DMXL2: variants seen among roughly 807,000 people sequenced by gnomAD.
DMXL2 encodes the protein Dmx like 2.
A neutral mutation model predicts 331.1 loss-of-function variants in DMXL2; 103 were observed. The ratio of observed to expected loss-of-function variants is 0.31; its 90% CI spans 0.27 to 0.37. The LOEUF (loss-of-function observed/expected upper bound fraction) is 0.37. Ranked by LOEUF, DMXL2 falls within the 10% of genes least tolerant of loss-of-function variation. The pLI is 1.00. For missense variants in DMXL2, 3,171 were observed against 3,642.9 expected, an observed-to-expected ratio of 0.87 and a Z score of 3.33; for synonymous variants, 1,281 against 1,252.1, an observed-to-expected ratio of 1.02 and a Z score of -0.49.
intron 1 of DMXL2, among the ~76,000 whole-genome samples, chr15:51,586,782 G>A (rs575332698): frequency 6.6e-6 from 1 of 152,098 alleles, no homozygotes; most frequent in South Asian, 2.1e-4. Flanking sequence ...AGCAAAATAT[G>A]CAATAATTAA....
intron 22 of DMXL2, 131 bp downstream of exon 22, chr15:51,487,812 GTGCCACTATTT>G: frequency 3.1e-6 from 2 of 635,070 alleles, no homozygotes; most frequent in Non-Finnish European, 4.8e-6. Flanking sequence ...CTTTACCACA[GTGCCACTATTT>G]TAAGTACAGC....
chr15:51,547,191 A>C, intron 7 of DMXL2, 39 bp downstream of exon 7: 1 of 1,507,632 alleles, frequency 6.6e-7, no homozygotes, highest in Non-Finnish European at 8.9e-7. Flanking sequence ...ATAAACATTT[A>C]AGGATGCAAA....
chr15:51,542,370 A>G lies in DMXL2; in HGVS notation c.1068T>C (p.Cys356=). 6.2e-7 allele frequency: 1 copy of G among 1,613,780 alleles called. No individual in the cohort carries two copies. The highest frequency in any genetic ancestry group is 1.3e-5 in the African/African-American group (1 of 75,046). ...TGATGCTTGCTGCAATATGAAAATG[A>G]CAGAGTGCATTTGCATGGTGGGAAA... ...RHISHHANAL[C]HFHIAASINP... Residue 356 remains cysteine, a synonymous_variant, in exon 9 of 44, where the codon TGT becomes TGC. Coordinates refer to ENST00000560891, the MANE Select transcript of DMXL2 (RefSeq NM_001378457.1).
At chr15:51,600,716 T>A (rs1490392992) in intron 1 of DMXL2, among the ~76,000 whole-genome samples, 2 of 152,216 alleles carry the variant, frequency 1.3e-5, no homozygotes, top group Non-Finnish European at 2.9e-5. Flanking sequence ...CTTGGTCAAA[T>A]AAACTGGACA....
chr15:51,498,542 G>C lies in DMXL2; in HGVS notation c.4672+10C>G. On this transcript the variant is annotated intron_variant, in intron 18 of 43. Coordinates refer to ENST00000560891, the MANE Select transcript of DMXL2 (RefSeq NM_001378457.1). ...GTACAACTTTATAAATTTTTAGCGA[G>C]AATATTTACCTGAGCAACTCTTATC... The C allele has an allele frequency of 6.3e-7, 1 of 1,592,446 alleles. No homozygotes were observed. Among genetic ancestry groups the C allele is most frequent in the East Asian group, 2.2e-5 (1 of 44,680 alleles).
chr15:51,598,838 T>C (rs1217458347), intron 1 of DMXL2, among the ~76,000 whole-genome samples: 6 of 152,212 alleles, frequency 3.9e-5, no homozygotes, highest in Non-Finnish European at 1.5e-5. Flanking sequence ...TCCTCTATGT[T>C]GTTTTTCCTT....
In DMXL2 at chr15:51,622,441, C is replaced by T; in HGVS notation, c.87+18G>A. 1 of 1,553,946 alleles carries T rather than the reference C, an allele frequency of 6.4e-7. No homozygotes were observed. The highest frequency in any genetic ancestry group is 1.4e-5 in the African/African-American group (1 of 73,268). ...TGGCCCCTGGTATCTTCCCCTAGGG[C>T]TCCCGGCCGCCGCTCACCGTGAAGG... On this transcript the variant is annotated intron_variant, in intron 1 of 43. Transcript: ENST00000560891.
At chr15:51,607,435 G>A (rs928295547) in intron 1 of DMXL2, among the ~76,000 whole-genome samples, 5 of 151,818 alleles carry the variant, frequency 3.3e-5, no homozygotes, top group Non-Finnish European at 7.4e-5. Context: ...CAGCCTGAGC[G>A]ACAGAGCGAG....
Position 51,448,680 on chromosome 15 carries a change from T to G in DMXL2, c.*304A>C. 1 of 358,612 alleles carries G rather than the reference T, an allele frequency of 2.8e-6. No homozygotes were observed. Among genetic ancestry groups the G allele is most frequent in the Non-Finnish European group, 5.2e-6 (1 of 193,042 alleles). 22.2% of individuals were successfully genotyped at this position (358,612 alleles called of 1,614,324 possible). A position where few individuals can be genotyped will look rare whatever the true frequency, so the allele number is the denominator to read the frequency against. Reference sequence around the variant, plus strand: ...TCCTTAATTTGGTATAAACGTCCTTTTCATTATTTCAAGTTACTAATTTGC... The same window carrying G: ...TCCTTAATTTGGTATAAACGTCCTTGTCATTATTTCAAGTTACTAATTTGC... On this transcript the variant is annotated 3_prime_UTR_variant, in exon 44 of 44. Transcript: ENST00000560891.
At chr15:51,492,207 A>G (rs914555117) in intron 19 of DMXL2, among the ~76,000 whole-genome samples, 1 of 152,180 alleles carries the variant, frequency 6.6e-6, no homozygotes, top group African/African-American at 2.4e-5. Flanking sequence ...TATCCCCCAC[A>G]AGAGCCCAGG....
intron 7 of DMXL2, 139 bp downstream of exon 7, chr15:51,547,091 A>T: frequency 1.4e-6 from 1 of 719,428 alleles, no homozygotes; most frequent in Non-Finnish European, 2.2e-6. Flanking sequence ...TGAAGCTAAT[A>T]GTAGGATTTG....
chr15:51,530,234 A>G (rs2140831494), intron 13 of DMXL2, among the ~76,000 whole-genome samples: 1 of 152,286 alleles, frequency 6.6e-6, no homozygotes, highest in South Asian at 2.1e-4. Flanking sequence ...CAGCTCAGGC[A>G]ATCAGACAAA....
chr15:51,554,580 T>C (rs377369932), intron 6 of DMXL2, among the ~76,000 whole-genome samples: 25 of 152,348 alleles, frequency 1.6e-4, no homozygotes, highest in African/African-American at 6.0e-4. Context: ...TACATTTCTA[T>C]CCAGAAATAC....
At chr15:51,525,772 C>T (rs1257939808) in intron 13 of DMXL2, among the ~76,000 whole-genome samples, 1 of 151,952 alleles carries the variant, frequency 6.6e-6, no homozygotes, top group Non-Finnish European at 1.5e-5. Flanking sequence ...ACCAGCTCGG[C>T]CACAGTACAA....
rs1395231231 is a variant in DMXL2 at position 51,471,475 on chromosome 15, T to C, written c.7214-74A>G. 6.5e-6 allele frequency: 9 copies of C among 1,378,806 alleles called. No individual in the cohort carries two copies. In the Admixed American group the frequency reaches 1.7e-4, roughly 26 times the overall value. The allele number at this position is 1,378,806 out of a possible 1,614,324, so 85.4% of individuals were successfully genotyped here. On this transcript the variant is annotated intron_variant, in intron 28 of 43. Coordinates refer to ENST00000560891, the MANE Select transcript of DMXL2 (RefSeq NM_001378457.1). ...TTAATTGATAGAGTTAAGCTTTCTT[T>C]TTATCCTACTCTTGCCATGTTTTGG...
At chr15:51,485,411 C>T (rs1471848636) in intron 23 of DMXL2, among the ~76,000 whole-genome samples, 1 of 152,146 alleles carries the variant, frequency 6.6e-6, no homozygotes, top group Non-Finnish European at 1.5e-5. Flanking sequence ...CAGGAAACAA[C>T]CAAAGGAAAT....
At chr15:51,460,342 C>G in intron 33 of DMXL2, 1 of 985,396 alleles carries the variant, frequency 1.0e-6, no homozygotes, top group Non-Finnish European at 1.2e-6. Context: ...AAATTTTCTG[C>G]CCATGCCTCC....
intron 6 of DMXL2, among the ~76,000 whole-genome samples, chr15:51,556,187 C>CA (rs2049560359): frequency 6.6e-6 from 1 of 151,244 alleles, no homozygotes; most frequent in South Asian, 2.1e-4. Context: ...ACTAAAAATA[C>CA]AAAAAATTAG....
chr15:51,458,470 C>A, intron 36 of DMXL2, 36 bp downstream of exon 36: 1 of 1,602,136 alleles, frequency 6.2e-7, no homozygotes, highest in Non-Finnish European at 8.5e-7. Flanking sequence ...GTACTTCTTA[C>A]AGAAAACTAT....
Sources: allele counts gnomAD v4.1 joint callset (sites outside exome capture counted in the v4.1 genomes callset), GRCh38; gene constraint gnomAD v4.1.1; transcripts MANE v1.5; gene names NCBI Gene and HGNC (gene_info 2026-07-23, HGNC 2026-07-21).